The following UBE2E3 variants were observed in gnomAD, a reference collection of about 807,000 sequenced individuals.
The protein encoded by UBE2E3 is ubiquitin conjugating enzyme E2 E3.
In UBE2E3, 5 loss-of-function variants were observed where a neutral mutation model predicts 23.6. That is an observed-to-expected ratio of 0.21 (90% CI 0.11 to 0.44). The LOEUF (loss-of-function observed/expected upper bound fraction) is 0.44. Among genes scored for constraint, UBE2E3 ranks in the 20% least tolerant of loss-of-function variants. The probability of loss-of-function intolerance (pLI) is 0.99; values close to 1 mark genes in which losing one functional copy is unlikely to be tolerated. For missense variants in UBE2E3, 81 were observed against 249.8 expected (o/e 0.32, Z 4.55); for synonymous variants, 78 against 87.5 (o/e 0.89, Z 0.60).
At chr2:180,987,831 C>T (rs1684528778) in intron 3 of UBE2E3, among the ~76,000 whole-genome samples, 1 of 152,104 alleles carries the variant, frequency 6.6e-6, no homozygotes, top group African/African-American at 2.4e-5. Flanking sequence ...GAGTGAGCTG[C>T]TGACTGTCAG....
At chr2:180,990,064 G>A in intron 3 of UBE2E3, 10 of 1,265,084 alleles carry the variant, frequency 7.9e-6, no homozygotes, top group Non-Finnish European at 1.1e-5. Context: ...AGTATATTTG[G>A]GCATTTTAAT....
intron 3 of UBE2E3, among the ~76,000 whole-genome samples, chr2:181,024,987 A>G (rs1685838672): frequency 6.6e-6 from 1 of 152,028 alleles, no homozygotes. Context: ...CTGTTTTGAC[A>G]GGACAGACAA....
chr2:181,016,223 C>T (rs73037098), intron 3 of UBE2E3, among the ~76,000 whole-genome samples: 5,665 of 151,872 alleles, frequency 0.037, 303 homozygotes, highest in East Asian at 0.19. Flanking sequence ...CTTCTTTATA[C>T]CTTTTTGGGG....
intron 3 of UBE2E3, among the ~76,000 whole-genome samples, chr2:181,018,559 T>G (rs1017031267): frequency 4.6e-5 from 7 of 151,686 alleles, no homozygotes; most frequent in African/African-American, 1.7e-4. Flanking sequence ...TGTGCCCTTT[T>G]TATTTGCTGA....
chr2:181,054,662 T>G (rs1166789312), intron 3 of UBE2E3, among the ~76,000 whole-genome samples: 1 of 151,840 alleles, frequency 6.6e-6, no homozygotes, highest in Non-Finnish European at 1.5e-5. Flanking sequence ...GCAAATATTT[T>G]CTCCAAGACT....
chr2:181,044,106 T>C (rs892668731), intron 3 of UBE2E3, among the ~76,000 whole-genome samples: 1 of 152,126 alleles, frequency 6.6e-6, no homozygotes, highest in Non-Finnish European at 1.5e-5. Context: ...TCTCCTCCGA[T>C]CTAGTGGTAT....
chr2:180,999,065 A>G (rs185389719), intron 3 of UBE2E3, among the ~76,000 whole-genome samples: 56 of 152,290 alleles, frequency 3.7e-4, no homozygotes, highest in African/African-American at 1.3e-3. Context: ...TTTTGAGGCA[A>G]ATGTAGTATG....
intron 3 of UBE2E3, among the ~76,000 whole-genome samples, chr2:181,028,543 T>A (rs1391144805): frequency 6.6e-6 from 1 of 152,150 alleles, no homozygotes; most frequent in African/African-American, 2.4e-5. Flanking sequence ...CTCTTTGCGC[T>A]GCAGGTTTAT....
intron 1 of UBE2E3, 62 bp downstream of exon 1, chr2:180,981,035 A>C (rs1311268622): frequency 2.9e-5 from 4 of 138,976 alleles, no homozygotes; most frequent in Admixed American, 7.0e-5. Flanking sequence ...GCGGTGGGGG[A>C]GGGGGCGGGG....
upstream of UBE2E3, chr2:180,980,548 C>G (rs1349897096): frequency 1.3e-5 from 2 of 148,174 alleles, no homozygotes; most frequent in Non-Finnish European, 3.0e-5. The surrounding 1 kb of genome is among the most constrained non-coding windows in gnomAD (Gnocchi z 5.5). Context: ...CTCCGCCAGG[C>G]AAGCAGCGAG....
intron 3 of UBE2E3, among the ~76,000 whole-genome samples, chr2:181,015,986 T>G (rs978293313): frequency 8.7e-6 from 1 of 114,318 alleles, no homozygotes; most frequent in African/African-American, 2.9e-5. Context: ...GAGTCCAGAG[T>G]AATTAGCCAT....
intron 3 of UBE2E3, chr2:180,990,014 G>A: frequency 2.0e-6 from 3 of 1,500,778 alleles, no homozygotes; most frequent in African/African-American, 1.4e-5. Flanking sequence ...TAGAGAAATA[G>A]AAAGTGATTT....
At chr2:180,997,794 C>T (rs4667004) in intron 3 of UBE2E3, among the ~76,000 whole-genome samples, 35,314 of 152,096 alleles carry the variant, frequency 0.23, 4,468 homozygotes, top group Non-Finnish European at 0.28. Flanking sequence ...TTACATCTCT[C>T]GTTGCCTAGG....
chr2:180,984,038 A>C lies in UBE2E3; in HGVS notation c.195-5A>C, dbSNP rs1684382060. 2 of 1,610,156 alleles carry C rather than the reference A, an allele frequency of 1.2e-6. No homozygotes were observed. Among genetic ancestry groups the C allele is most frequent in the African/African-American group, 1.3e-5 (1 of 74,892 alleles). ...CCTTTTTGTCTCTTCTCATTTCACT[A>C]ACAGAATTCAGAAGGAGCTAGCTGA... On this transcript the variant is annotated splice_region_variant and splice_polypyrimidine_tract_variant and intron_variant, in intron 2 of 5. Transcript: ENST00000410062.
At chr2:181,014,169 C>A (rs1685418991) in intron 3 of UBE2E3, among the ~76,000 whole-genome samples, 2 of 152,116 alleles carry the variant, frequency 1.3e-5, no homozygotes, top group African/African-American at 2.4e-5. Flanking sequence ...ATAGGAAATC[C>A]TGGAGGGTGT....
chr2:181,057,077 TAAAG>T (rs888883755), intron 3 of UBE2E3, among the ~76,000 whole-genome samples: 39 of 151,828 alleles, frequency 2.6e-4, no homozygotes, highest in African/African-American at 6.8e-4. Context: ...TTATAAAAGT[TAAAG>T]AAAGGCGGAA....
intron 3 of UBE2E3, among the ~76,000 whole-genome samples, chr2:181,050,696 C>T (rs914155201): frequency 1.3e-5 from 2 of 151,786 alleles, no homozygotes; most frequent in African/African-American, 4.8e-5. Context: ...TCTGCATATA[C>T]GACCCTAGGC....
intron 3 of UBE2E3, among the ~76,000 whole-genome samples, chr2:181,055,661 A>G (rs905581985): frequency 6.6e-6 from 1 of 151,716 alleles, no homozygotes; most frequent in Non-Finnish European, 1.5e-5. Flanking sequence ...AAAGTTATTT[A>G]CTATCCTGCA....
chr2:181,018,648 G>A (rs1685575231), intron 3 of UBE2E3, among the ~76,000 whole-genome samples: 1 of 147,980 alleles, frequency 6.8e-6, no homozygotes, highest in African/African-American at 2.5e-5. Flanking sequence ...AGAGCTTGAA[G>A]GAAGTCATTT....
Sources: gnomAD v4.1 joint callset for allele counts (sites outside exome capture counted in the v4.1 genomes callset) on GRCh38, gnomAD v4.1.1 for gene constraint, Gnocchi (gnomAD v3.1) non-coding constraint, MANE v1.5 for transcripts, NCBI Gene and HGNC (gene_info 2026-07-23, HGNC 2026-07-21) for gene names.